Variants in CSMD1 observed in about 807,000 individuals in gnomAD.
CSMD1 encodes the protein CUB and Sushi multiple domains 1, also known as CUB and sushi domain-containing protein 1.
A neutral mutation model predicts 417.5 loss-of-function variants in CSMD1; 213 were observed. The ratio of observed to expected loss-of-function variants is 0.51; its 90% CI spans 0.46 to 0.57. CSMD1 has a LOEUF of 0.57. Among genes scored for constraint, CSMD1 ranks in the 20% least tolerant of loss-of-function variants. CSMD1 has a pLI of 0.00. For missense variants in CSMD1, 6,923 were observed against 4,529.7 expected, an observed-to-expected ratio of 1.53 and a Z score of -15.17; for synonymous variants, 2,862 against 1,736.8, an observed-to-expected ratio of 1.65 and a Z score of -16.11.
chr8:3,820,341 G>A (rs1301457998), intron 5 of CSMD1, among the ~76,000 whole-genome samples: 2 of 152,062 alleles, frequency 1.3e-5, no homozygotes, highest in African/African-American at 4.8e-5. Flanking sequence ...TTAGATATAT[G>A]GTGTTTGAAC....
At chr8:3,466,384 A>C (rs1045247305) in intron 12 of CSMD1, among the ~76,000 whole-genome samples, 8 of 151,988 alleles carry the variant, frequency 5.3e-5, no homozygotes, top group Middle Eastern at 3.4e-3. Flanking sequence ...CTCTATGTGA[A>C]TATATGCTGT....
intron 4 of CSMD1, among the ~76,000 whole-genome samples, chr8:4,006,571 A>G (rs780944918): frequency 2.6e-5 from 4 of 152,132 alleles, no homozygotes; most frequent in African/African-American, 7.2e-5. Context: ...AATAATGGCA[A>G]TATTCTTGGG....
intron 1 of CSMD1, among the ~76,000 whole-genome samples, chr8:4,926,990 T>C (rs1806912367): frequency 6.6e-6 from 1 of 152,032 alleles, no homozygotes; most frequent in African/African-American, 2.4e-5. Context: ...TATTTTCATT[T>C]ATAAAGATTC....
At chr8:4,115,245 T>C (rs917113154) in intron 3 of CSMD1, among the ~76,000 whole-genome samples, 3 of 152,202 alleles carry the variant, frequency 2.0e-5, no homozygotes, top group Non-Finnish European at 2.9e-5. Flanking sequence ...GAGCTTCCAG[T>C]AGCAAAAAGA....
intron 30 of CSMD1, among the ~76,000 whole-genome samples, chr8:3,211,132 C>T (rs570559126): frequency 1.3e-5 from 2 of 152,118 alleles, no homozygotes; most frequent in Admixed American, 1.3e-4. Context: ...GCAGCCTCAA[C>T]CTTCAGAGCT....
Position 3,029,532 on chromosome 8 carries a change from T to C in CSMD1, c.7661-19A>G. On this transcript the variant is annotated intron_variant, in intron 50 of 69. Coordinates refer to ENST00000635120, the MANE Select transcript of CSMD1 (RefSeq NM_033225.6). ...GCGACCGCTGGAAGGGAAACGTACATCACATCATCATTTTTCTTTTTTGGA... is the reference window on the plus strand; with the variant it reads ...GCGACCGCTGGAAGGGAAACGTACACCACATCATCATTTTTCTTTTTTGGA... 1 of 1,565,368 alleles carries C rather than the reference T, an allele frequency of 6.4e-7. No individual in the cohort carries two copies. The highest frequency in any genetic ancestry group is 8.7e-7 in the Non-Finnish European group (1 of 1,153,526).
intron 3 of CSMD1, among the ~76,000 whole-genome samples, chr8:4,379,940 C>A (rs947746805): frequency 3.9e-5 from 6 of 152,194 alleles, no homozygotes; most frequent in African/African-American, 1.4e-4. Flanking sequence ...AGCATACACT[C>A]TGGAGATGGA....
At chr8:4,438,346 G>C (rs1436965317) in intron 2 of CSMD1, among the ~76,000 whole-genome samples, 1 of 152,192 alleles carries the variant, frequency 6.6e-6, no homozygotes, top group Non-Finnish European at 1.5e-5. Flanking sequence ...TCTGAACTCT[G>C]TCCTGCATCA....
intron 2 of CSMD1, among the ~76,000 whole-genome samples, chr8:4,526,138 G>GAGA (rs1796501060): frequency 6.6e-6 from 1 of 152,146 alleles, no homozygotes; most frequent in Non-Finnish European, 1.5e-5. Flanking sequence ...CATAAAAAGG[G>GAGA]AGAAAGTGTT....
chr8:3,349,081 C>T (rs7820839), intron 21 of CSMD1, among the ~76,000 whole-genome samples: 13 of 152,058 alleles, frequency 8.5e-5, no homozygotes, highest in Admixed American at 2.0e-4. Flanking sequence ...CCCAGCACAC[C>T]GATGTAAACA....
rs183084578 is a variant in CSMD1, at chr8:4,396,930, G to T, written c.415+23023C>A. On this transcript the variant is annotated intron_variant, in intron 3 of 69. Transcript: ENST00000635120. ...CAAAAGACTACACCTTGGGTACAAG[G>T]TACACTGCCTGGGTGATGAGTGCAC... is the stretch of plus-strand genomic sequence containing the variant. 1.7e-3 allele frequency among the ~76,000 whole-genome samples: 264 copies of T among 152,096 alleles called. 1 individual carries two copies. Among genetic ancestry groups the T allele is most frequent in the African/African-American group, 5.9e-3 (244 of 41,468 alleles).
At chr8:3,608,869 C>A (rs944355464) in intron 8 of CSMD1, among the ~76,000 whole-genome samples, 2 of 151,988 alleles carry the variant, frequency 1.3e-5, no homozygotes. Context: ...TTGCAGTGAT[C>A]AATTAAACCA....
At chr8:4,885,218 A>C (rs574008102) in intron 1 of CSMD1, among the ~76,000 whole-genome samples, 134 of 152,162 alleles carry the variant, frequency 8.8e-4, no homozygotes, top group Admixed American at 1.4e-3. Context: ...TTTTAGATAT[A>C]ATAGTTTTTT....
intron 5 of CSMD1, among the ~76,000 whole-genome samples, chr8:3,971,236 C>G (rs2688352): frequency 7.2e-5 from 11 of 152,094 alleles, no homozygotes; most frequent in Middle Eastern, 3.4e-3. Flanking sequence ...ACAGACCATG[C>G]GCACTTCTGC....
intron 3 of CSMD1, among the ~76,000 whole-genome samples, chr8:4,387,719 T>C (rs867815772): frequency 3.3e-5 from 5 of 152,110 alleles, no homozygotes; most frequent in Non-Finnish European, 5.9e-5. Context: ...TACTTTATTT[T>C]AGCTAAAATA....
chr8:4,647,981 G>C (rs190784911), intron 1 of CSMD1, among the ~76,000 whole-genome samples: 1 of 152,300 alleles, frequency 6.6e-6, no homozygotes, highest in Non-Finnish European at 1.5e-5. Flanking sequence ...GATCCTTGAG[G>C]AACTGCCACA....
chr8:4,680,581 G>T (rs76845820), intron 1 of CSMD1, among the ~76,000 whole-genome samples: 1 of 151,642 alleles, frequency 6.6e-6, no homozygotes. Context: ...TTCTAAGATA[G>T]TTTTTGTGTT....
intron 3 of CSMD1, among the ~76,000 whole-genome samples, chr8:4,211,695 T>C (rs756568217): frequency 6.6e-6 from 1 of 152,164 alleles, no homozygotes; most frequent in Non-Finnish European, 1.5e-5. Context: ...TTTAGGCAAG[T>C]TGAACATGAA....
intron 3 of CSMD1, among the ~76,000 whole-genome samples, chr8:4,363,715 C>T (rs1472734250): frequency 6.6e-6 from 1 of 152,174 alleles, no homozygotes; most frequent in Non-Finnish European, 1.5e-5. Context: ...AAAGTGACTT[C>T]TAGTTCCACC....
Sources: allele counts gnomAD v4.1 joint callset (sites outside exome capture counted in the v4.1 genomes callset), GRCh38; gene constraint gnomAD v4.1.1; transcripts MANE v1.5; gene names NCBI Gene and HGNC (gene_info 2026-07-23, HGNC 2026-07-21).